Variants in HEXA observed in about 807,000 individuals in gnomAD.
HEXA encodes beta-hexosaminidase subunit alpha.
A neutral mutation model predicts 73.3 loss-of-function variants in HEXA; 54 were observed. The ratio of observed to expected loss-of-function variants is 0.74; its 90% confidence interval spans 0.59 to 0.92. The LOEUF is 0.92. Among genes scored for constraint, HEXA ranks in the 40% least tolerant of loss-of-function variants. The pLI is 0.00. For synonymous variants in HEXA, 230 were observed against 246.9 expected (o/e 0.93, Z 0.64); for missense variants, 649 against 653.0 (o/e 0.99, Z 0.07).
chr15:72,344,530 G>A (rs577862496), intron 13 of HEXA, among the ~76,000 whole-genome samples: 1 of 152,290 alleles, frequency 6.6e-6, no homozygotes, highest in South Asian at 2.1e-4. Context: ...CTAAAATGCT[G>A]TAAATATGGT....
At chr15:72,374,823 T>C (rs2089038019) in intron 1 of HEXA, among the ~76,000 whole-genome samples, 1 of 152,182 alleles carries the variant, frequency 6.6e-6, no homozygotes. Flanking sequence ...CGCTCTTGAC[T>C]CTTCAACCCC....
Position 72,351,148 on chromosome 15 carries a change from TG to T in HEXA, c.656del (p.Pro219GlnfsTer4). ...PSFPYESFTF[P>X]ELMRKGSYNP... The stretch of plus-strand genomic sequence containing the variant: ...GGGAACATACCTTTCTCATGAGCTC[TG>T]GAAAAGTGAAGCTCTCATATGGGAA... On this transcript the variant is annotated frameshift_variant, in exon 6 of 14. Transcript: ENST00000268097. LOFTEE classifies it high-confidence loss of function. 6.2e-7 allele frequency: 1 copy of T among 1,606,280 alleles called. No individual in the cohort carries two copies. Among genetic ancestry groups the T allele is most frequent in the Non-Finnish European group, 8.5e-7 (1 of 1,172,790 alleles).
Position 72,341,234 on chromosome 15 carries a change from C to T in HEXA, c.*2843G>A, listed in dbSNP as rs78040140. On this transcript the variant is annotated 3_prime_UTR_variant, in exon 14 of 14. Transcript: ENST00000268097. ...AGCTTTCCTCACAGTCTCACTGTCC[C>T]AGAAGTCTAGGGGCAATGACTCTCC... 4,073 of 152,258 alleles carry T rather than the reference C, an allele frequency of 0.027. 80 individuals are homozygous for T. The highest frequency in any genetic ancestry group is 0.043 in the Admixed American group (652 of 15,288). The allele number at this position is 152,258 out of a possible 1,614,324, so 9.4% of individuals were successfully genotyped here.
chr15:72,373,987 T>G (rs2089025021), intron 1 of HEXA, among the ~76,000 whole-genome samples: 1 of 138,888 alleles, frequency 7.2e-6, no homozygotes, highest in African/African-American at 2.8e-5. Flanking sequence ...GTAGGCTGAG[T>G]GATAAAGCGA....
chr15:72,349,041 C>T (rs756707890), intron 8 of HEXA, 38 bp downstream of exon 8: 1 of 1,568,404 alleles, frequency 6.4e-7, no homozygotes, highest in South Asian at 1.1e-5. Context: ...GAGTAAGCAA[C>T]TGATCAGGCC....
At chr15:72,360,997 T>G (rs1239612352) in intron 1 of HEXA, among the ~76,000 whole-genome samples, 1 of 152,198 alleles carries the variant, frequency 6.6e-6, no homozygotes, top group Non-Finnish European at 1.5e-5. Context: ...TCCACTATAA[T>G]CTGGCTTCCT....
In HEXA at chr15:72,353,115, C is replaced by A; in HGVS notation, c.523G>T (p.Asp175Tyr). Residue 175 changes from aspartate to tyrosine, a missense_variant, in exon 5 of 14, where the codon GAT becomes TAT. Coordinates refer to ENST00000268097, the MANE Select transcript of HEXA (RefSeq NM_000520.6). ...PRFPHRGLLL[D>Y]TSRHYLPLSS... is the part of the protein sequence containing the mutation. ...AGTGGCAGGTAATGGCGAGATGTAT[C>A]CAACAGCAAGCCCCGGTGAGGAAAG... 1 of 1,613,706 alleles carries A rather than the reference C, an allele frequency of 6.2e-7. No homozygotes were observed. Among genetic ancestry groups the A allele is most frequent in the South Asian group, 1.1e-5 (1 of 91,070 alleles).
Position 72,347,768 on chromosome 15 carries a change from A to G in HEXA, c.1074-10T>C, listed in dbSNP as rs1454790287. On this transcript the variant is annotated splice_polypyrimidine_tract_variant and intron_variant, in intron 9 of 13. Transcript: ENST00000268097. ...GACGATGTCCAGCAGCCTGGAGAGG[A>G]GAGGAGTGTCTAGTAAGTGTCTGCT... The G allele has an allele frequency of 1.2e-6, 2 of 1,613,514 alleles. No homozygotes were observed. The highest frequency in any genetic ancestry group is 4.5e-5 in the East Asian group (2 of 44,876).
At position 72,351,133 on chromosome 15, in the gene HEXA, C is replaced by T. The variant is rs780134593; in HGVS notation, c.672G>A (p.Lys224=). The change falls in exon 6 of 14, where the codon AAG becomes AAA. Residue 224 remains lysine (K), a splice_region_variant and synonymous_variant. Coordinates refer to ENST00000268097, the MANE Select transcript of HEXA (RefSeq NM_000520.6). ...ESFTFPELMR[K]GSYNPVTHIY... ...TGGTCTGAGTGAAACGGGAACATAC[C>T]TTTCTCATGAGCTCTGGAAAAGTGA... The T allele has an allele frequency of 4.4e-6, 7 of 1,589,550 alleles. No individual in the cohort carries two copies. In the African/African-American group the frequency reaches 6.7e-5, roughly 15 times the overall value.
intron 2 of HEXA, 144 bp downstream of exon 2, chr15:72,356,381 T>C: frequency 3.7e-6 from 3 of 820,140 alleles, no homozygotes; most frequent in Non-Finnish European, 6.1e-6. Flanking sequence ...TCATCTTCCA[T>C]GGCTCTCAGC....
intron 1 of HEXA, among the ~76,000 whole-genome samples, chr15:72,367,710 T>C (rs1432351096): frequency 6.6e-6 from 1 of 152,240 alleles, no homozygotes; most frequent in Non-Finnish European, 1.5e-5. Flanking sequence ...AACTTGCTGA[T>C]CCACCCTAGA....
At chr15:72,370,709 GAAAGA>G (rs746874935) in intron 1 of HEXA, 2 of 96,460 alleles carry the variant, frequency 2.1e-5, no homozygotes, top group African/African-American at 6.4e-5. Flanking sequence ...AAAAAAAAAA[GAAAGA>G]AAAGAAAAGA....
intron 7 of HEXA, 68 bp downstream of exon 7, chr15:72,350,450 C>G: frequency 2.0e-6 from 3 of 1,534,812 alleles, no homozygotes; most frequent in Admixed American, 1.7e-5. Flanking sequence ...CTTCCATGAG[C>G]CAGTGCCCTG....
In HEXA at chr15:72,349,101, C is replaced by T. The variant is rs772180415; in HGVS notation, c.964G>A (p.Asp322Asn). The part of the protein sequence containing the change: ...FPDFYLHLGG[D>N]EVDFTCWKSN... Reference sequence around the variant, plus strand: ...TACCAGCAGGTGAAATCAACCTCATCTCCTCCAAGATGAAGATAAAAATCT... The same window carrying T: ...TACCAGCAGGTGAAATCAACCTCATTTCCTCCAAGATGAAGATAAAAATCT... The change falls in exon 8 of 14, where the codon GAT becomes AAT. Residue 322 changes from aspartate (D) to asparagine (N), a missense_variant. By Grantham distance (23) the Asp-to-Asn change is conservative (BLOSUM62 1). Transcript: ENST00000268097. 3.7e-6 allele frequency: 6 copies of T among 1,614,050 alleles called. No homozygotes were observed. The South Asian group carries it at 6.6e-5, about 18-fold the overall frequency.
chr15:72,351,374 T>C (rs1595800645), intron 5 of HEXA, 140 bp from the exon 6 acceptor site: 1 of 709,176 alleles, frequency 1.4e-6, no homozygotes, highest in Admixed American at 2.0e-5. Context: ...TAAGTATTTA[T>C]GGGGTCTATC....
In HEXA at chr15:72,356,511, A is replaced by T; in HGVS notation, c.346+14T>A. The T allele has an allele frequency of 6.2e-7, 1 of 1,613,878 alleles. No homozygotes were observed. The highest frequency in any genetic ancestry group is 8.5e-7 in the Non-Finnish European group (1 of 1,179,884). On this transcript the variant is annotated intron_variant, in intron 2 of 13. Coordinates refer to ENST00000268097, the MANE Select transcript of HEXA (RefSeq NM_000520.6). ...TGTTTGCTCTTCTAAGACAGGGAACAGGATGGTACTTACAATTCTCCACTG... is the reference window on the plus strand; with the variant it reads ...TGTTTGCTCTTCTAAGACAGGGAACTGGATGGTACTTACAATTCTCCACTG...
At chr15:72,349,043 G>A in intron 8 of HEXA, 36 bp downstream of exon 8, 6 of 1,574,354 alleles carry the variant, frequency 3.8e-6, no homozygotes, top group Non-Finnish European at 5.2e-6. Flanking sequence ...GTAAGCAACT[G>A]ATCAGGCCAC....
intron 1 of HEXA, among the ~76,000 whole-genome samples, chr15:72,369,079 G>A (rs2088953999): frequency 6.6e-6 from 1 of 152,166 alleles, no homozygotes; most frequent in South Asian, 2.1e-4. Flanking sequence ...CTCAAGATGT[G>A]GACACAACAA....
At chr15:72,371,620 A>G (rs763788940) in intron 1 of HEXA, among the ~76,000 whole-genome samples, 9 of 151,960 alleles carry the variant, frequency 5.9e-5, no homozygotes, top group Non-Finnish European at 1.3e-4. Context: ...AAAAGAAAAC[A>G]AAACCCAAAC....
Sources: gnomAD v4.1 joint callset for allele counts (sites outside exome capture counted in the v4.1 genomes callset) on GRCh38, gnomAD v4.1.1 for gene constraint, MANE v1.5 for transcripts, NCBI Gene and HGNC (gene_info 2026-07-23, HGNC 2026-07-21) for gene names.